Variants in ARHGAP26 observed in about 807,000 individuals in gnomAD.
ARHGAP26 encodes Rho GTPase activating protein 26.
ARHGAP26 carries 38 observed loss-of-function variants against 104.8 expected under a neutral mutation model. The observed-to-expected ratio is 0.36, with a 90% confidence interval of 0.28 to 0.48. The LOEUF is 0.48. Ranked by LOEUF, ARHGAP26 falls within the 20% of genes least tolerant of loss-of-function variation. The pLI is 0.99. For missense variants in ARHGAP26, 704 were observed against 947.9 expected, an observed-to-expected ratio of 0.74 and a Z score of 3.38; for synonymous variants, 341 against 340.0, an observed-to-expected ratio of 1.00 and a Z score of -0.03.
intron 20 of ARHGAP26, among the ~76,000 whole-genome samples, chr5:143,195,259 G>T (rs1219284377): frequency 6.6e-6 from 1 of 152,174 alleles, no homozygotes; most frequent in Non-Finnish European, 1.5e-5. Flanking sequence ...TTGCTGAAAA[G>T]TCCTGAACAT....
intron 5 of ARHGAP26, among the ~76,000 whole-genome samples, chr5:142,893,861 C>T (rs1171889464): frequency 6.6e-6 from 1 of 151,020 alleles, no homozygotes; most frequent in African/African-American, 2.4e-5. Flanking sequence ...TTTTAATATA[C>T]CCTTTGGCTA....
intron 1 of ARHGAP26, among the ~76,000 whole-genome samples, chr5:142,846,149 CATTT>C (rs1771900832): frequency 6.6e-6 from 1 of 152,224 alleles, no homozygotes; most frequent in African/African-American, 2.4e-5. Flanking sequence ...TGTCTGCTCA[CATTT>C]ATAGCTGACT....
intron 11 of ARHGAP26, among the ~76,000 whole-genome samples, chr5:142,963,190 A>ATATATATATATATATATG (rs1770659230): frequency 9.9e-6 from 1 of 100,522 alleles, no homozygotes; most frequent in African/African-American, 7.2e-5. Flanking sequence ...ATATATATAT[A>ATATATATATATATATATG]TATATATATG....
chr5:143,131,272 C>T (rs1797323075), intron 18 of ARHGAP26, among the ~76,000 whole-genome samples: 1 of 152,110 alleles, frequency 6.6e-6, no homozygotes, highest in Non-Finnish European at 1.5e-5. Context: ...TTTGTTTCTC[C>T]AGCATTTACT....
Position 142,885,374 on chromosome 5 carries a change from A to G in ARHGAP26, c.461A>G (p.Lys154Arg). ...ILEKHLNLSSKKKESQLQEAD... is the reference protein window; with the variant it reads ...ILEKHLNLSSRKKESQLQEAD... ...GAAAAACACTTGAATTTGTCTTCCA[A>G]AAAGAAAGAATCTCAGCTTCAGGAG... Residue 154 changes from lysine (K) to arginine (R), a missense_variant, in exon 5 of 23, where the codon AAA becomes AGA. By Grantham distance (26) the Lys-to-Arg change is conservative. Coordinates refer to ENST00000645722, the MANE Select transcript of ARHGAP26 (RefSeq NM_001135608.3). 1 of 1,613,692 alleles carries G rather than the reference A, an allele frequency of 6.2e-7. No individual in the cohort carries two copies. Among genetic ancestry groups the G allele is most frequent in the Non-Finnish European group, 8.5e-7 (1 of 1,179,702 alleles).
intron 19 of ARHGAP26, among the ~76,000 whole-genome samples, chr5:143,145,544 C>A (rs1186574351): frequency 6.6e-6 from 1 of 152,078 alleles, no homozygotes; most frequent in African/African-American, 2.4e-5. Flanking sequence ...CTCAATGATC[C>A]CCTTATTATG....
intron 11 of ARHGAP26, among the ~76,000 whole-genome samples, chr5:142,948,805 G>A (rs530395516): frequency 3.8e-4 from 57 of 151,970 alleles, no homozygotes; most frequent in Non-Finnish European, 7.5e-4. Context: ...TGTCCATATG[G>A]TAAGAGTACA....
intron 12 of ARHGAP26, among the ~76,000 whole-genome samples, chr5:143,032,408 T>C (rs1385081867): frequency 6.6e-6 from 1 of 152,220 alleles, no homozygotes; most frequent in Non-Finnish European, 1.5e-5. Flanking sequence ...CTAGTAGATA[T>C]TTAATGAGAG....
intron 12 of ARHGAP26, among the ~76,000 whole-genome samples, chr5:143,023,584 A>G (rs1423525342): frequency 1.3e-5 from 2 of 152,130 alleles, no homozygotes; most frequent in African/African-American, 4.8e-5. Context: ...CACAGTTGAG[A>G]GGCAGGAGGA....
intron 20 of ARHGAP26, among the ~76,000 whole-genome samples, chr5:143,184,452 G>T (rs1230654104): frequency 6.6e-6 from 1 of 152,194 alleles, no homozygotes; most frequent in Non-Finnish European, 1.5e-5. Context: ...GGTGCCGTGG[G>T]TGGGGGTCTG....
At chr5:143,044,201 A>AT (rs1335730609) in intron 14 of ARHGAP26, among the ~76,000 whole-genome samples, 1 of 152,196 alleles carries the variant, frequency 6.6e-6, no homozygotes, top group African/African-American at 2.4e-5. Flanking sequence ...GGAAAAAAAA[A>AT]GCATCTATTT....
At chr5:142,952,380 A>C (rs567110876) in intron 11 of ARHGAP26, among the ~76,000 whole-genome samples, 29 of 151,988 alleles carry the variant, frequency 1.9e-4, no homozygotes, top group African/African-American at 7.0e-4. Flanking sequence ...GTGTTGTTTT[A>C]TTTCTTTTTC....
intron 19 of ARHGAP26, among the ~76,000 whole-genome samples, chr5:143,143,196 C>A (rs571495835): frequency 1.1e-3 from 173 of 152,272 alleles, no homozygotes; most frequent in Non-Finnish European, 1.9e-3. Context: ...CGTATTTACC[C>A]TCCAGCTCTG....
chr5:142,812,353 A>G (rs1407537742), intron 1 of ARHGAP26, among the ~76,000 whole-genome samples: 1 of 150,924 alleles, frequency 6.6e-6, no homozygotes, highest in Non-Finnish European at 1.5e-5. Flanking sequence ...TTCTAGGCTC[A>G]AGCAATCTTC....
chr5:142,801,863 C>CT (rs1351294852), intron 1 of ARHGAP26, among the ~76,000 whole-genome samples: 12 of 152,178 alleles, frequency 7.9e-5, no homozygotes, highest in African/African-American at 2.9e-4. Flanking sequence ...TAAATCCGTG[C>CT]TGTTGATACT....
At chr5:142,855,804 C>A (rs1289900459) in intron 1 of ARHGAP26, among the ~76,000 whole-genome samples, 1 of 152,194 alleles carries the variant, frequency 6.6e-6, no homozygotes, top group Non-Finnish European at 1.5e-5. Flanking sequence ...TAATGACTGA[C>A]TTATATACTC....
At chr5:143,211,138 G>T (rs937032691) in intron 21 of ARHGAP26, among the ~76,000 whole-genome samples, 1 of 152,198 alleles carries the variant, frequency 6.6e-6, no homozygotes, top group Non-Finnish European at 1.5e-5. Flanking sequence ...CACTTGACTT[G>T]TTGGGCTGAC....
chr5:143,218,541 C>T (rs1198245206), intron 22 of ARHGAP26, among the ~76,000 whole-genome samples: 1 of 152,136 alleles, frequency 6.6e-6, no homozygotes, highest in African/African-American at 2.4e-5. Flanking sequence ...TGCTCCCTGT[C>T]CATGGTGAGT....
At chr5:143,068,370 A>G (rs1787808693) in intron 17 of ARHGAP26, among the ~76,000 whole-genome samples, 1 of 152,166 alleles carries the variant, frequency 6.6e-6, no homozygotes, top group Non-Finnish European at 1.5e-5. Context: ...CCACAGAGAA[A>G]ATAGATACAA....
Sources: allele counts gnomAD v4.1 joint callset (sites outside exome capture counted in the v4.1 genomes callset), GRCh38; gene constraint gnomAD v4.1.1; transcripts MANE v1.5; gene names NCBI Gene and HGNC (gene_info 2026-07-23, HGNC 2026-07-21).